The following MREG variants were observed in gnomAD, a reference collection of about 807,000 sequenced individuals.
MREG encodes the protein dilute suppressor protein homolog.
MREG carries 31 observed loss-of-function variants against 28.5 expected under a neutral mutation model. The observed-to-expected ratio is 1.09, with a 90% CI of 0.82 to 1.47. MREG has a LOEUF of 1.47. MREG is among the 40% of genes most tolerant of loss of function. The probability of loss-of-function intolerance (pLI) is 0.00; values close to 1 mark genes in which losing one functional copy is unlikely to be tolerated. For synonymous variants in MREG, 106 were observed against 95.2 expected (o/e 1.11, Z -0.66); for missense variants, 256 against 257.4 (o/e 0.99, Z 0.04).
At chr2:216,006,720 A>G (rs139852062) in intron 1 of MREG, among the ~76,000 whole-genome samples, 39 of 152,334 alleles carry the variant, frequency 2.6e-4, no homozygotes, top group African/African-American at 7.5e-4. Flanking sequence ...TGGGGAGAAG[A>G]TGATTTGGTC....
intron 2 of MREG, among the ~76,000 whole-genome samples, chr2:215,995,371 C>T (rs1693839083): frequency 6.6e-6 from 1 of 152,164 alleles, no homozygotes; most frequent in African/African-American, 2.4e-5. Flanking sequence ...AATAAAAGGA[C>T]CGGGACACAT....
intron 2 of MREG, among the ~76,000 whole-genome samples, chr2:215,960,920 C>A (rs1019565728): frequency 4.6e-5 from 7 of 152,176 alleles, no homozygotes; most frequent in African/African-American, 1.7e-4. Context: ...TCCGGCACTA[C>A]AAAAGCTGAC....
At chr2:215,952,572 A>T (rs1184058573) in intron 2 of MREG, among the ~76,000 whole-genome samples, 1 of 152,210 alleles carries the variant, frequency 6.6e-6, no homozygotes, top group Non-Finnish European at 1.5e-5. Flanking sequence ...TTCTTATAAA[A>T]AAGGGGACTT....
intron 1 of MREG, among the ~76,000 whole-genome samples, chr2:216,010,506 C>T (rs1484420821): frequency 2.0e-5 from 3 of 151,550 alleles, no homozygotes; most frequent in South Asian, 2.1e-4. Flanking sequence ...TACAGGCGCC[C>T]GCCACTACAC....
chr2:216,019,113 G>C (rs1236669370), intron 1 of MREG, among the ~76,000 whole-genome samples: 1 of 152,172 alleles, frequency 6.6e-6, no homozygotes, highest in African/African-American at 2.4e-5. Flanking sequence ...TCCGAAACAA[G>C]ATCTATTATT....
Position 216,013,394 on chromosome 2 carries a change from T to G in MREG, c.-67A>C. ...AGTCGCCGCGGCGAGCGATCGAGGCTGGGGCGCGGCCACCGCGCCAGCGTC... is the reference window on the plus strand; with the variant it reads ...AGTCGCCGCGGCGAGCGATCGAGGCGGGGGCGCGGCCACCGCGCCAGCGTC... On this transcript the variant is annotated 5_prime_UTR_variant, in exon 1 of 5. Coordinates refer to ENST00000263268, the MANE Select transcript of MREG (RefSeq NM_018000.3). The G allele has an allele frequency of 1.9e-5, 22 of 1,176,610 alleles. No homozygotes were observed. The highest frequency in any genetic ancestry group is 2.5e-4 in the Middle Eastern group (1 of 4,020). The allele number at this position is 1,176,610 out of a possible 1,614,324, so 72.9% of individuals were successfully genotyped here.
intron 2 of MREG, among the ~76,000 whole-genome samples, chr2:215,972,090 C>G (rs1318861096): frequency 6.6e-6 from 1 of 152,154 alleles, no homozygotes; most frequent in Non-Finnish European, 1.5e-5. Flanking sequence ...AGGAAACCAC[C>G]TGGATGGTCC....
At chr2:215,972,129 T>C (rs1693116318) in intron 2 of MREG, among the ~76,000 whole-genome samples, 1 of 152,140 alleles carries the variant, frequency 6.6e-6, no homozygotes. Context: ...TTCAGGACCC[T>C]GTCTCCTTCC....
In MREG at chr2:215,948,582, G is replaced by A. The variant is rs755521858; in HGVS notation, c.256-1469C>T. ...ATCTAATCCCTCACAGACTATATAA[G>A]TTGTAAGGGAAAAAACTCAAGTACT... is the stretch of plus-strand genomic sequence containing the variant. On this transcript the variant is annotated intron_variant, in intron 2 of 4. Transcript: ENST00000263268. Among the ~76,000 whole-genome samples, 4 of 152,242 alleles carry A rather than the reference G, an allele frequency of 2.6e-5. No homozygotes were observed. In the East Asian group the frequency reaches 5.8e-4, roughly 22 times the overall value.
intron 2 of MREG, among the ~76,000 whole-genome samples, chr2:215,968,924 T>A (rs1480688016): frequency 6.6e-6 from 1 of 152,006 alleles, no homozygotes; most frequent in Non-Finnish European, 1.5e-5. Flanking sequence ...CCTGGCTAAT[T>A]TTGTTTTTAT....
At chr2:215,976,483 CA>C (rs1693264010) in intron 2 of MREG, among the ~76,000 whole-genome samples, 1 of 152,184 alleles carries the variant, frequency 6.6e-6, no homozygotes, top group African/African-American at 2.4e-5. Context: ...CACCATCTAC[CA>C]CCATCAAAGG....
intron 1 of MREG, among the ~76,000 whole-genome samples, chr2:216,029,314 T>C (rs941492300): frequency 7.2e-5 from 11 of 151,818 alleles, no homozygotes; most frequent in Non-Finnish European, 1.5e-4. Context: ...CCTGTCTCTA[T>C]TAAAAATACA....
At chr2:215,999,252 T>G (rs1401728289) in intron 1 of MREG, among the ~76,000 whole-genome samples, 7 of 152,214 alleles carry the variant, frequency 4.6e-5, no homozygotes, top group South Asian at 2.1e-4. Flanking sequence ...TTCTGTGAAC[T>G]GCAACATTAT....
At chr2:215,962,119 A>G (rs1692808323) in intron 2 of MREG, among the ~76,000 whole-genome samples, 1 of 152,122 alleles carries the variant, frequency 6.6e-6, no homozygotes, top group Non-Finnish European at 1.5e-5. Context: ...TGCTTTTCCA[A>G]TTCTATTTAT....
At chr2:215,990,037 T>A (rs1693681413) in intron 2 of MREG, among the ~76,000 whole-genome samples, 1 of 152,042 alleles carries the variant, frequency 6.6e-6, no homozygotes, top group East Asian at 1.9e-4. Flanking sequence ...ATTCAGGAAA[T>A]ACAGAGAACA....
rs193293515 is a variant in MREG at position 215,995,513 on chromosome 2, C to G, written c.255+793G>C. The stretch of plus-strand genomic sequence containing the variant: ...CACAGCACCTCCACCCACCCCACCC[C>G]CCGCCACCAATATACACACTAAACC... On this transcript the variant is annotated intron_variant, in intron 2 of 4. Transcript: ENST00000263268. 1.7e-3 allele frequency among the ~76,000 whole-genome samples: 249 copies of G among 149,014 alleles called. 11 individuals carry two copies. The East Asian group carries it at 0.046, about 27-fold the overall frequency.
chr2:216,005,471 A>G (rs1315937468), intron 1 of MREG, among the ~76,000 whole-genome samples: 2 of 36,814 alleles, frequency 5.4e-5, no homozygotes, highest in Non-Finnish European at 1.5e-4. Context: ...TTTTTTTTTG[A>G]GACAGGTTCT....
intron 1 of MREG, among the ~76,000 whole-genome samples, chr2:216,028,724 T>G (rs951524212): frequency 7.2e-5 from 11 of 152,134 alleles, no homozygotes; most frequent in Admixed American, 2.6e-4. Context: ...ATTTTGGGAA[T>G]TCGAATTTGT....
At chr2:215,949,766 T>C (rs184877628) in intron 2 of MREG, among the ~76,000 whole-genome samples, 43 of 152,338 alleles carry the variant, frequency 2.8e-4, no homozygotes, top group Non-Finnish European at 5.0e-4. Flanking sequence ...CCATTTCCAC[T>C]TGTGCCTGAA....
Sources: gnomAD v4.1 joint callset for allele counts (sites outside exome capture counted in the v4.1 genomes callset) on GRCh38, gnomAD v4.1.1 for gene constraint, MANE v1.5 for transcripts, NCBI Gene and HGNC (gene_info 2026-07-23, HGNC 2026-07-21) for gene names.